The following NFATC3 variants were observed in gnomAD, a reference collection of about 807,000 sequenced individuals.
The protein encoded by NFATC3 is nuclear factor of activated T-cells, cytoplasmic 3.
A neutral mutation model predicts 98.6 loss-of-function variants in NFATC3; 46 were observed. That is an observed-to-expected ratio of 0.47 (90% CI 0.37 to 0.60). NFATC3 has a LOEUF of 0.60. Ranked by LOEUF, NFATC3 falls within the 20% of genes least tolerant of loss-of-function variation. The pLI, the probability that NFATC3 is intolerant of heterozygous loss-of-function variation, is 0.00. For synonymous variants in NFATC3, 512 were observed against 472.2 expected (o/e 1.08, Z -1.09); for missense variants, 1,256 against 1,295.5 (o/e 0.97, Z 0.47).
intron 6 of NFATC3, 104 bp downstream of exon 6, chr16:68,174,618 C>T: frequency 1.1e-6 from 1 of 888,514 alleles, no homozygotes; most frequent in Non-Finnish European, 1.6e-6. Flanking sequence ...TTTCATAAAG[C>T]TATGGGTGTC....
intron 1 of NFATC3, 74 bp downstream of exon 1, chr16:68,085,858 TC>T: frequency 8.7e-7 from 1 of 1,152,182 alleles, no homozygotes; most frequent in East Asian, 3.2e-5. Flanking sequence ...CCCTCCCTGT[TC>T]CCTTGGATGA....
At chr16:68,155,255 A>G (rs2151570523) in intron 3 of NFATC3, among the ~76,000 whole-genome samples, 1 of 152,314 alleles carries the variant, frequency 6.6e-6, no homozygotes, top group South Asian at 2.1e-4. Context: ...ATACCAAGGA[A>G]GAGGAGGCAT....
intron 1 of NFATC3, among the ~76,000 whole-genome samples, chr16:68,098,300 A>ATTATTTT (rs1461722980): frequency 3.1e-4 from 29 of 94,304 alleles, no homozygotes; most frequent in African/African-American, 1.2e-3. Flanking sequence ...TATTATTATT[A>ATTATTTT]TTTTTTTTTT....
intron 3 of NFATC3, among the ~76,000 whole-genome samples, chr16:68,150,069 G>A (rs550842399): frequency 1.2e-4 from 18 of 152,224 alleles, no homozygotes; most frequent in African/African-American, 4.1e-4. Context: ...ATCTGGAATT[G>A]TTTCTGCAGT....
At chr16:68,101,334 T>A (rs908110913) in intron 1 of NFATC3, among the ~76,000 whole-genome samples, 1 of 152,044 alleles carries the variant, frequency 6.6e-6, no homozygotes, top group African/African-American at 2.4e-5. Flanking sequence ...CGTAGAGATA[T>A]GGTTTCACTG....
chr16:68,163,950 C>A (rs2039049836), intron 4 of NFATC3, among the ~76,000 whole-genome samples: 1 of 147,422 alleles, frequency 6.8e-6, no homozygotes, highest in African/African-American at 2.5e-5. Flanking sequence ...TCTTCACGTC[C>A]CAGACGATGG....
chr16:68,228,526 C>T lies in NFATC3; in HGVS notation c.*2055C>T, dbSNP rs1471332320. ...CCAAATTTTGATGCCTTCTAAATAC[C>T]TTGATGCCTGTAGCACTAGAAATGC... On this transcript the variant is annotated 3_prime_UTR_variant, in exon 10 of 10. Coordinates refer to ENST00000346183, the MANE Select transcript of NFATC3 (RefSeq NM_173165.3). 6.6e-6 allele frequency: 1 copy of T among 152,620 alleles called. No homozygotes were observed. The highest frequency in any genetic ancestry group is 2.4e-5 in the African/African-American group (1 of 41,448). 9.5% of individuals were successfully genotyped at this position (152,620 alleles called of 1,614,324 possible).
chr16:68,181,598 T>A, intron 7 of NFATC3, 68 bp downstream of exon 7: 1 of 1,171,224 alleles, frequency 8.5e-7, no homozygotes. Context: ...TAATGCTGCT[T>A]TATGGTATGG....
intron 9 of NFATC3, among the ~76,000 whole-genome samples, chr16:68,215,335 A>C (rs896158366): frequency 3.3e-5 from 5 of 152,222 alleles, no homozygotes; most frequent in Non-Finnish European, 7.3e-5. Flanking sequence ...TAAAACTCTC[A>C]GGAGAGTTAT....
intron 9 of NFATC3, chr16:68,200,437 A>G (rs2040865001): frequency 6.6e-6 from 1 of 151,848 alleles, no homozygotes; most frequent in Non-Finnish European, 1.5e-5. Flanking sequence ...TTTTGGACCA[A>G]AGACTAAACT....
In NFATC3 at chr16:68,122,973, A is replaced by G. The variant is rs529198498; in HGVS notation, c.1090A>G (p.Ser364Gly). The change falls in exon 2 of 10, where the codon AGT (serine) becomes GGT (glycine). Residue 364 changes from serine to glycine, a missense_variant. Transcript: ENST00000346183. ...AGAGCTGTGTTCAGATGACCAAGGG[A>G]GTTTATCACCAGCCCGGGAGACTTC... is the stretch of plus-strand genomic sequence containing the variant. Reference protein sequence around the residue: ...KLELCSDDQGSLSPARETSID... With the variant: ...KLELCSDDQGGLSPARETSID... The G allele has an allele frequency of 2.3e-4, 376 of 1,614,164 alleles. No individual in the cohort carries two copies. The South Asian group carries it at 4.0e-3, about 17-fold the overall frequency.
chr16:68,164,770 C>T (rs1160474149), intron 4 of NFATC3, among the ~76,000 whole-genome samples: 1 of 151,870 alleles, frequency 6.6e-6, no homozygotes, highest in Non-Finnish European at 1.5e-5. Context: ...ATCCCAGCTA[C>T]TTGGGAGGCT....
intron 3 of NFATC3, among the ~76,000 whole-genome samples, chr16:68,137,592 A>G (rs1480931293): frequency 1.3e-5 from 2 of 149,424 alleles, no homozygotes; most frequent in Non-Finnish European, 3.0e-5. Context: ...TTATCTCATA[A>G]TTTCTTAGTA....
intron 1 of NFATC3, 141 bp from the exon 2 acceptor site, chr16:68,121,846 G>C: frequency 1.1e-6 from 1 of 910,672 alleles, no homozygotes; most frequent in Non-Finnish European, 1.6e-6. Context: ...TTCTTTAGTG[G>C]AGCTAATGAC....
intron 1 of NFATC3, among the ~76,000 whole-genome samples, chr16:68,117,656 G>C (rs1044941382): frequency 2.0e-5 from 3 of 152,066 alleles, no homozygotes; most frequent in African/African-American, 7.2e-5. Context: ...TACAGTACAG[G>C]CATGTGCCAC....
intron 9 of NFATC3, among the ~76,000 whole-genome samples, chr16:68,213,137 C>T (rs909074919): frequency 5.4e-5 from 8 of 148,592 alleles, no homozygotes; most frequent in African/African-American, 1.2e-4. Context: ...TTTCAGGGGC[C>T]GGGTGCAGTG....
At chr16:68,217,694 T>C in intron 9 of NFATC3, 1 of 1,231,624 alleles carries the variant, frequency 8.1e-7, no homozygotes, top group Non-Finnish European at 1.0e-6. Flanking sequence ...CAATTTGTTG[T>C]TCCTCTTTCT....
chr16:68,219,056 C>CT (rs1320452916), intron 9 of NFATC3, among the ~76,000 whole-genome samples: 2 of 150,682 alleles, frequency 1.3e-5, no homozygotes, highest in South Asian at 2.1e-4. Context: ...CCAGCCTGGG[C>CT]AACATAATAA....
At chr16:68,185,068 G>A (rs1010947520) in intron 8 of NFATC3, among the ~76,000 whole-genome samples, 17 of 151,218 alleles carry the variant, frequency 1.1e-4, no homozygotes, top group Non-Finnish European at 1.9e-4. Flanking sequence ...TGCAACCTCC[G>A]CCTCCAGGGT....
Sources: allele counts gnomAD v4.1 joint callset (sites outside exome capture counted in the v4.1 genomes callset), GRCh38; gene constraint gnomAD v4.1.1; transcripts MANE v1.5; gene names NCBI Gene and HGNC (gene_info 2026-07-23, HGNC 2026-07-21).